CCDC178: variants seen among roughly 807,000 people sequenced by gnomAD.
CCDC178 encodes the protein coiled-coil domain containing 178, also known as coiled-coil domain-containing protein 178.
A neutral mutation model predicts 117.4 loss-of-function variants in CCDC178; 126 were observed. The observed-to-expected ratio is 1.07, with a 90% CI of 0.93 to 1.24. The LOEUF (loss-of-function observed/expected upper bound fraction) is 1.24, where lower values mean the gene tolerates loss of function less well. Ranked by LOEUF, CCDC178 falls within the 50% of genes most tolerant of loss-of-function variation. The pLI, the probability that CCDC178 is intolerant of heterozygous loss-of-function variation, is 0.00. For synonymous variants in CCDC178, 283 were observed against 313.4 expected (o/e 0.90, Z 1.02); for missense variants, 1,030 against 986.9 (o/e 1.04, Z -0.59).
At chr18:33,096,046 G>C (rs1253856315) in intron 20 of CCDC178, among the ~76,000 whole-genome samples, 1 of 151,534 alleles carries the variant, frequency 6.6e-6, no homozygotes, top group Non-Finnish European at 1.5e-5. Context: ...TTCCTTCTCT[G>C]TCAGCAAAAA....
chr18:33,409,988 T>C (rs1431750202), intron 3 of CCDC178, among the ~76,000 whole-genome samples: 1 of 152,200 alleles, frequency 6.6e-6, no homozygotes, highest in Non-Finnish European at 1.5e-5. Context: ...AAGACTTACA[T>C]TCCATTAAAT....
At chr18:33,389,734 TA>T (rs2063542241) in intron 4 of CCDC178, 105 bp from the exon 5 acceptor site, 1 of 434,226 alleles carries the variant, frequency 2.3e-6, no homozygotes, top group South Asian at 7.2e-5. Context: ...GTGCTCTCCT[TA>T]AAAGAAAAAC....
intron 20 of CCDC178, among the ~76,000 whole-genome samples, chr18:33,196,518 C>A (rs1274215550): frequency 6.6e-6 from 1 of 152,092 alleles, no homozygotes; most frequent in Non-Finnish European, 1.5e-5. Flanking sequence ...ATTATTGAAC[C>A]TCAGGGTACT....
At chr18:33,049,016 A>G (rs2056695871) in intron 21 of CCDC178, among the ~76,000 whole-genome samples, 1 of 152,122 alleles carries the variant, frequency 6.6e-6, no homozygotes, top group Admixed American at 6.6e-5. Flanking sequence ...TTGTAGTGAC[A>G]CTGGGTTCTA....
intron 20 of CCDC178, among the ~76,000 whole-genome samples, chr18:33,147,565 A>G (rs1028719471): frequency 6.6e-5 from 10 of 151,316 alleles, no homozygotes; most frequent in Admixed American, 1.3e-4. Flanking sequence ...GGGAGTGGTG[A>G]TGACTCCTAA....
intron 12 of CCDC178, among the ~76,000 whole-genome samples, chr18:33,278,865 T>C (rs1381503296): frequency 6.6e-6 from 1 of 152,166 alleles, no homozygotes; most frequent in Non-Finnish European, 1.5e-5. Context: ...CACATGATTA[T>C]CTCAATAGAT....
At chr18:33,097,602 A>G (rs1352386459) in intron 20 of CCDC178, among the ~76,000 whole-genome samples, 4 of 152,112 alleles carry the variant, frequency 2.6e-5, no homozygotes, top group Admixed American at 2.6e-4. Context: ...GACTGGCTCC[A>G]GATCCTGTAC....
chr18:33,334,133 A>G (rs902300078), intron 9 of CCDC178, among the ~76,000 whole-genome samples: 4 of 152,168 alleles, frequency 2.6e-5, no homozygotes, highest in Non-Finnish European at 5.9e-5. Flanking sequence ...TGAAATGAAA[A>G]TTATTACAAA....
intron 9 of CCDC178, among the ~76,000 whole-genome samples, chr18:33,337,871 C>T (rs4260135): frequency 0.068 from 10,344 of 152,120 alleles, 459 homozygotes; most frequent in Non-Finnish European, 0.093. Context: ...TGACCAGGAA[C>T]CCAAAAGCAA....
chr18:33,075,334 T>G (rs1197556261), intron 21 of CCDC178, among the ~76,000 whole-genome samples: 1 of 152,172 alleles, frequency 6.6e-6, no homozygotes, highest in African/African-American at 2.4e-5. Context: ...TTGCCTATGT[T>G]TATTGGCCAT....
chr18:33,380,064 T>A (rs2063421876), intron 5 of CCDC178, among the ~76,000 whole-genome samples: 3 of 152,108 alleles, frequency 2.0e-5, no homozygotes, highest in Admixed American at 1.3e-4. Flanking sequence ...TGGATTTCTA[T>A]CTGGGGGTGG....
chr18:33,394,926 A>G (rs1175144130), intron 4 of CCDC178, among the ~76,000 whole-genome samples: 1 of 117,230 alleles, frequency 8.5e-6, no homozygotes, highest in African/African-American at 3.0e-5. Context: ...TAACTTTAAA[A>G]GCCTGTATAT....
chr18:33,012,312 G>A (rs1444181737), intron 21 of CCDC178, among the ~76,000 whole-genome samples: 1 of 152,152 alleles, frequency 6.6e-6, no homozygotes. Context: ...ATTATTTCAA[G>A]GGTGATATTC....
intron 21 of CCDC178, among the ~76,000 whole-genome samples, chr18:32,989,418 T>C (rs1393072201): frequency 6.6e-6 from 1 of 152,198 alleles, no homozygotes; most frequent in Non-Finnish European, 1.5e-5. Context: ...GACTCATTTA[T>C]GTGATAATAA....
At chr18:33,397,723 A>C (rs2063657965) in intron 3 of CCDC178, among the ~76,000 whole-genome samples, 1 of 152,174 alleles carries the variant, frequency 6.6e-6, no homozygotes, top group African/African-American at 2.4e-5. Context: ...AAAGTGATTA[A>C]AGAGAGTTTA....
At chr18:33,006,245 G>A (rs532879912) in intron 21 of CCDC178, among the ~76,000 whole-genome samples, 22 of 151,984 alleles carry the variant, frequency 1.4e-4, no homozygotes, top group Non-Finnish European at 2.9e-4. Context: ...ACCATTTTAA[G>A]AGGGAAGAAT....
intron 18 of CCDC178, among the ~76,000 whole-genome samples, chr18:33,219,426 G>C (rs970398993): frequency 6.6e-6 from 1 of 152,074 alleles, no homozygotes; most frequent in African/African-American, 2.4e-5. Context: ...CCATTACTGG[G>C]TATATACCCA....
At chr18:33,275,685 A>G (rs146225429) in intron 12 of CCDC178, among the ~76,000 whole-genome samples, 2,466 of 10,372 alleles carry the variant, frequency 0.24, 57 homozygotes, top group African/African-American at 0.35. Flanking sequence ...GGAGGGGAGG[A>G]GGGAGGGGAA....
At chr18:33,185,839 G>A (rs765954939) in intron 20 of CCDC178, among the ~76,000 whole-genome samples, 28 of 151,938 alleles carry the variant, frequency 1.8e-4, no homozygotes, top group Admixed American at 4.6e-4. Context: ...CTATGGGTCA[G>A]TAGTTTCCAA....
Sources: allele counts gnomAD v4.1 joint callset (sites outside exome capture counted in the v4.1 genomes callset), GRCh38; gene constraint gnomAD v4.1.1; transcripts MANE v1.5; gene names NCBI Gene and HGNC (gene_info 2026-07-23, HGNC 2026-07-21).